SLC5A3: variants seen among roughly 807,000 people sequenced by gnomAD.
SLC5A3 encodes the protein solute carrier family 5 member 3, also known as sodium/myo-inositol cotransporter.
SLC5A3 carries 10 observed loss-of-function variants against 43.2 expected under a neutral mutation model. The observed-to-expected ratio is 0.23, with a 90% CI of 0.14 to 0.39. The LOEUF is 0.39. Ranked by LOEUF, SLC5A3 falls within the 10% of genes least tolerant of loss-of-function variation. The pLI is 1.00. For synonymous variants in SLC5A3, 349 were observed against 322.0 expected (o/e 1.08, Z -0.90); for missense variants, 608 against 893.4 (o/e 0.68, Z 4.07).
Position 34,096,731 on chromosome 21 carries a change from T to C in SLC5A3, c.1533T>C (p.Tyr511=), listed in dbSNP as rs1978980143. The change falls in exon 2 of 2, where the codon TAT becomes TAC. Residue 511 remains tyrosine, a synonymous_variant. Transcript: ENST00000381151. The surrounding 1 kb of genome is among the most constrained non-coding windows in gnomAD (Gnocchi z 5.9). The part of the protein sequence containing the change: ...NRPGFIKDIH[Y]MYVATGLFWV... ...CGGGCTTCATCAAAGACATCCATTA[T>C]ATGTATGTGGCCACAGGATTGTTTT... The C allele has an allele frequency of 6.2e-7, 1 of 1,614,088 alleles. No individual in the cohort carries two copies. Among genetic ancestry groups the C allele is most frequent in the Non-Finnish European group, 8.5e-7 (1 of 1,179,976 alleles).
chr21:34,092,941 G>A (rs1323658266), intron 1 of SLC5A3, among the ~76,000 whole-genome samples: 2 of 152,174 alleles, frequency 1.3e-5, no homozygotes, highest in Non-Finnish European at 2.9e-5. Flanking sequence ...GTAGCAGAGA[G>A]CCCTGGAGGC....
chr21:34,102,155 G>T lies in SLC5A3; in HGVS notation c.*4800G>T. The T allele has an allele frequency of 1.0e-6, 1 of 1,000,090 alleles. No individual in the cohort carries two copies. Among genetic ancestry groups the T allele is most frequent in the Non-Finnish European group, 1.2e-6 (1 of 829,892 alleles). 62.0% of individuals were successfully genotyped at this position (1,000,090 alleles called of 1,614,324 possible). ...GAATGTTTTTGTCAGACTGTCCTTT[G>T]TTGGAATACTTTAGCTGTTCAGCTA... On this transcript the variant is annotated 3_prime_UTR_variant, in exon 2 of 2. Coordinates refer to ENST00000381151, the MANE Select transcript of SLC5A3 (RefSeq NM_006933.7).
intron 1 of SLC5A3, among the ~76,000 whole-genome samples, chr21:34,094,537 T>C (rs1978873633): frequency 6.6e-6 from 1 of 152,190 alleles, no homozygotes; most frequent in South Asian, 2.1e-4. Flanking sequence ...AAGATCTTAG[T>C]GCCTGTCCTA....
At chr21:34,092,866 G>C (rs1978776812) in intron 1 of SLC5A3, among the ~76,000 whole-genome samples, 2 of 152,242 alleles carry the variant, frequency 1.3e-5, no homozygotes, top group Non-Finnish European at 2.9e-5. Flanking sequence ...AGTGATACCT[G>C]ATTAGCCAGG....
chr21:34,090,936 A>G (rs999630580), intron 1 of SLC5A3, among the ~76,000 whole-genome samples: 12 of 152,156 alleles, frequency 7.9e-5, no homozygotes, highest in African/African-American at 2.9e-4. Context: ...GAATCATGAA[A>G]TCTGTCTGTT....
Position 34,098,442 on chromosome 21 carries a change from T to A in SLC5A3, c.*1087T>A, listed in dbSNP as rs1979072540. Reference sequence around the variant, plus strand: ...AATTTAATTCTGATATCTTATTGCATCCTTGATAAGTTTTTCCCTGATTTT... The same window carrying A: ...AATTTAATTCTGATATCTTATTGCAACCTTGATAAGTTTTTCCCTGATTTT... On this transcript the variant is annotated 3_prime_UTR_variant, in exon 2 of 2. Coordinates refer to ENST00000381151, the MANE Select transcript of SLC5A3 (RefSeq NM_006933.7). The A allele has an allele frequency of 1.0e-6, 1 of 999,864 alleles. No homozygotes were observed. Among genetic ancestry groups the A allele is most frequent in the Non-Finnish European group, 1.2e-6 (1 of 829,808 alleles). 61.9% of individuals were successfully genotyped at this position (999,864 alleles called of 1,614,324 possible). A position where few individuals can be genotyped will look rare whatever the true frequency, so the allele number is the denominator to read the frequency against.
intron 1 of SLC5A3, among the ~76,000 whole-genome samples, chr21:34,074,426 C>T (rs988571021): frequency 1.6e-4 from 25 of 152,232 alleles, no homozygotes; most frequent in African/African-American, 5.5e-4. Flanking sequence ...TGTGGCCTTT[C>T]TTGCGCCTCC....
At chr21:34,093,137 T>C (rs1978790821) in intron 1 of SLC5A3, among the ~76,000 whole-genome samples, 1 of 152,166 alleles carries the variant, frequency 6.6e-6, no homozygotes, top group Non-Finnish European at 1.5e-5. Context: ...AGCATTTGTT[T>C]AAAAACTTGG....
intron 1 of SLC5A3, among the ~76,000 whole-genome samples, chr21:34,091,720 T>G (rs1003740318): frequency 6.6e-6 from 1 of 152,220 alleles, no homozygotes; most frequent in Non-Finnish European, 1.5e-5. Flanking sequence ...CTGAGAAGGA[T>G]GCCTTCTCTT....
In SLC5A3 at chr21:34,105,687, A is replaced by G. The variant is rs548532285; in HGVS notation, c.*8332A>G. On this transcript the variant is annotated 3_prime_UTR_variant, in exon 2 of 2. Coordinates refer to ENST00000381151, the MANE Select transcript of SLC5A3 (RefSeq NM_006933.7). ...GAAGTTGATGAACATTAATTTTGTT[A>G]TTAGTGAGTTTTTTGAATTGTAAAT... The G allele has an allele frequency of 5.0e-6, 5 of 998,234 alleles. No homozygotes were observed. Among genetic ancestry groups the G allele is most frequent in the East Asian group, 2.3e-4 (2 of 8,824 alleles). 61.8% of individuals were successfully genotyped at this position (998,234 alleles called of 1,614,324 possible).
At chr21:34,090,090 G>A (rs1331748352) in intron 1 of SLC5A3, among the ~76,000 whole-genome samples, 1 of 152,156 alleles carries the variant, frequency 6.6e-6, no homozygotes. Flanking sequence ...TTTTGGATTT[G>A]GGAGGAGCAT....
intron 1 of SLC5A3, among the ~76,000 whole-genome samples, chr21:34,074,965 TTG>T (rs1338850842): frequency 6.6e-6 from 1 of 152,232 alleles, no homozygotes; most frequent in Non-Finnish European, 1.5e-5. Flanking sequence ...AGGCATGCCA[TTG>T]TGTCCCCCAG....
chr21:34,094,437 A>G (rs1381862632), intron 1 of SLC5A3, among the ~76,000 whole-genome samples: 2 of 152,114 alleles, frequency 1.3e-5, no homozygotes, highest in Non-Finnish European at 2.9e-5. Flanking sequence ...GTTACCCCCA[A>G]ACTCTCTTAG....
At chr21:34,076,078 C>T (rs750406997) in intron 1 of SLC5A3, among the ~76,000 whole-genome samples, 2 of 152,154 alleles carry the variant, frequency 1.3e-5, no homozygotes, top group African/African-American at 4.8e-5. Context: ...ATTTTCCTTT[C>T]CTCCCCAAAT....
At position 34,096,820 on chromosome 21, in the gene SLC5A3, T is replaced by A. The variant is rs771521450; in HGVS notation, c.1622T>A (p.Ile541Asn). The change falls in exon 2 of 2, where the codon ATT (isoleucine) becomes AAT (asparagine). Residue 541 changes from isoleucine (I) to asparagine (N), a missense_variant. Ile to Asn is a moderately radical substitution (Grantham distance 149, BLOSUM62 -3). Transcript: ENST00000381151. The surrounding 1 kb of genome is among the most constrained non-coding windows in gnomAD (Gnocchi z 5.9). ...LLTPPPTKEQ[I>N]RTTTFWSKKN... is the part of the protein sequence containing the mutation. ...ACACCACCTCCCACAAAGGAACAGA[T>A]TCGAACCACCACCTTTTGGTCTAAG... is the stretch of plus-strand genomic sequence containing the variant. The A allele has an allele frequency of 1.2e-6, 2 of 1,613,976 alleles. No individual in the cohort carries two copies. Among genetic ancestry groups the A allele is most frequent in the Non-Finnish European group, 8.5e-7 (1 of 1,179,970 alleles).
chr21:34,098,420 T>G lies in SLC5A3; in HGVS notation c.*1065T>G. On this transcript the variant is annotated 3_prime_UTR_variant, in exon 2 of 2. Coordinates refer to ENST00000381151, the MANE Select transcript of SLC5A3 (RefSeq NM_006933.7). ...AAGGTTGAATTTTTAGAGGGAAAAT[T>G]TAATTCTGATATCTTATTGCATCCT... 4.0e-6 allele frequency: 4 copies of G among 1,000,246 alleles called. No homozygotes were observed. Among genetic ancestry groups the G allele is most frequent in the Non-Finnish European group, 4.8e-6 (4 of 829,970 alleles). The allele number at this position is 1,000,246 out of a possible 1,614,324, so 62.0% of individuals were successfully genotyped here. A position where few individuals can be genotyped will look rare whatever the true frequency, so the allele number is the denominator to read the frequency against.
intron 1 of SLC5A3, among the ~76,000 whole-genome samples, chr21:34,074,329 T>A (rs1036012654): frequency 1.3e-5 from 2 of 151,744 alleles, no homozygotes; most frequent in Non-Finnish European, 2.9e-5. Flanking sequence ...GCTCTCATGT[T>A]AAAAAAAAAT....
At chr21:34,092,770 C>A (rs187909717) in intron 1 of SLC5A3, among the ~76,000 whole-genome samples, 9 of 152,176 alleles carry the variant, frequency 5.9e-5, no homozygotes, top group African/African-American at 1.2e-4. Context: ...TATTTCCCCC[C>A]CAACGGCCAG....
In SLC5A3 at chr21:34,098,692, T is replaced by C. The variant is rs914922875; in HGVS notation, c.*1337T>C. ...GGTTAGTAGTGTGTCTTGTGGAGGG[T>C]ATTACAGGACTGTGTAATTATAGGA... On this transcript the variant is annotated 3_prime_UTR_variant, in exon 2 of 2. Transcript: ENST00000381151. 6 of 999,666 alleles carry C rather than the reference T, an allele frequency of 6.0e-6. No homozygotes were observed. Among genetic ancestry groups the C allele is most frequent in the East Asian group, 2.3e-4 (2 of 8,828 alleles). 61.9% of individuals were successfully genotyped at this position (999,666 alleles called of 1,614,324 possible).
Sources: allele counts gnomAD v4.1 joint callset (sites outside exome capture counted in the v4.1 genomes callset), GRCh38; gene constraint gnomAD v4.1.1; non-coding constraint Gnocchi (gnomAD v3.1); transcripts MANE v1.5; gene names NCBI Gene and HGNC (gene_info 2026-07-23, HGNC 2026-07-21).